The following PRAG1 variants were observed in gnomAD, a reference collection of about 807,000 sequenced individuals.
The protein encoded by PRAG1 is inactive tyrosine-protein kinase PRAG1.
In PRAG1, 110 loss-of-function variants were observed where a neutral mutation model predicts 95.6. The observed-to-expected ratio is 1.15, with a 90% CI of 0.99 to 1.35. PRAG1 has a LOEUF of 1.35. Ranked by LOEUF, PRAG1 falls within the 40% of genes most tolerant of loss-of-function variation. The pLI is 0.00. For missense variants in PRAG1, 2,554 were observed against 1,864.7 expected (o/e 1.37, Z -6.81); for synonymous variants, 1,052 against 819.4 (o/e 1.28, Z -4.85).
At chr8:8,338,032 C>G (rs535563463) in intron 4 of PRAG1, among the ~76,000 whole-genome samples, 3 of 152,118 alleles carry the variant, frequency 2.0e-5, no homozygotes, top group Admixed American at 1.3e-4. Flanking sequence ...CTCCTCACCC[C>G]CTACCTCCCC....
chr8:8,372,470 A>G (rs1191161015), intron 3 of PRAG1, among the ~76,000 whole-genome samples: 2 of 152,200 alleles, frequency 1.3e-5, no homozygotes, highest in Admixed American at 6.5e-5. Context: ...AGACTCTGTG[A>G]GATCCATCAT....
intron 3 of PRAG1, among the ~76,000 whole-genome samples, chr8:8,346,250 C>G: frequency 6.6e-6 from 1 of 152,374 alleles, no homozygotes; most frequent in East Asian, 1.9e-4. Flanking sequence ...ACAAAAACCT[C>G]ATACTCCAGT....
intron 3 of PRAG1, among the ~76,000 whole-genome samples, chr8:8,347,387 C>T (rs1799380467): frequency 6.6e-6 from 1 of 152,214 alleles, no homozygotes; most frequent in Non-Finnish European, 1.5e-5. Flanking sequence ...CCTGCAAAAG[C>T]ACAGGAAAAC....
chr8:8,337,488 A>G (rs897631949), intron 4 of PRAG1, among the ~76,000 whole-genome samples: 4 of 151,452 alleles, frequency 2.6e-5, no homozygotes, highest in East Asian at 1.9e-4. Flanking sequence ...GAGAGAGAGA[A>G]AGAGAGAGAG....
chr8:8,333,893 A>G (rs1253500423), intron 4 of PRAG1, among the ~76,000 whole-genome samples: 1 of 152,224 alleles, frequency 6.6e-6, no homozygotes, highest in Non-Finnish European at 1.5e-5. Flanking sequence ...CCCTAGTGCA[A>G]TTCTCTCATG....
In PRAG1 at chr8:8,319,277, GT is replaced by G; in HGVS notation, c.3097del (p.Thr1033GlnfsTer104). On this transcript the variant is annotated frameshift_variant, in exon 6 of 6. Coordinates refer to ENST00000615670, the MANE Select transcript of PRAG1 (RefSeq NM_001080826.3). LOFTEE classifies it high-confidence loss of function. Reference protein sequence around the residue: ...VKICKAPEPKTVSYCSPSVPV... With the variant: ...VKICKAPEPKXVSYCSPSVPV... ...CACGGACGGGCTGCAGTAGGAGACTGTTTTGGGCTCAGGGGCTTTGCAGATC... is the reference window on the plus strand; with the variant it reads ...CACGGACGGGCTGCAGTAGGAGACTGTTTGGGCTCAGGGGCTTTGCAGATC... 6.6e-7 allele frequency: 1 copy of G among 1,520,324 alleles called. No homozygotes were observed. The highest frequency in any genetic ancestry group is 8.9e-7 in the Non-Finnish European group (1 of 1,129,904). The allele number at this position is 1,520,324 out of a possible 1,614,324, so 94.2% of individuals were successfully genotyped here.
intron 3 of PRAG1, among the ~76,000 whole-genome samples, chr8:8,372,545 C>G (rs1165977092): frequency 1.3e-5 from 2 of 152,190 alleles, no homozygotes; most frequent in Non-Finnish European, 2.9e-5. Flanking sequence ...AGGAAGTATC[C>G]AGGCCTTGCC....
Position 8,339,547 on chromosome 8 carries a change from C to T in PRAG1, c.2251G>A (p.Val751Ile), listed in dbSNP as rs762760663. Reference protein sequence around the residue: ...AESLSPSFRGVHVSFTTGSTD... With the variant: ...AESLSPSFRGIHVSFTTGSTD... ...GAGCCGGTGGTGAAGCTGACGTGGA[C>T]ACCCCTGAAGGATGGGCTGAGGCTT... Residue 751 changes from valine (V) to isoleucine (I), a missense_variant, in exon 4 of 6, where the codon GTC becomes ATC. Physicochemically the swap from Val to Ile is conservative, Grantham distance 29 (BLOSUM62 3). Transcript: ENST00000615670. The T allele has an allele frequency of 1.9e-6, 3 of 1,614,132 alleles. No homozygotes were observed. The highest frequency in any genetic ancestry group is 1.1e-5 in the South Asian group (1 of 91,072).
At chr8:8,330,954 G>A (rs990140860) in intron 4 of PRAG1, among the ~76,000 whole-genome samples, 4 of 152,174 alleles carry the variant, frequency 2.6e-5, no homozygotes, top group African/African-American at 9.7e-5. Context: ...TGATGAGCAG[G>A]AGGACTGGGA....
chr8:8,362,203 G>C (rs1047980813), intron 3 of PRAG1, among the ~76,000 whole-genome samples: 2 of 152,118 alleles, frequency 1.3e-5, no homozygotes, highest in African/African-American at 2.4e-5. Context: ...ATAAACCCAC[G>C]TCAGGATCTG....
chr8:8,356,134 C>G (rs748842513), intron 3 of PRAG1, among the ~76,000 whole-genome samples: 3 of 152,164 alleles, frequency 2.0e-5, no homozygotes, highest in Non-Finnish European at 2.9e-5. Flanking sequence ...AGACATTTAT[C>G]TGAAGACATA....
At chr8:8,383,633 TA>T (rs1461359310) in intron 1 of PRAG1, among the ~76,000 whole-genome samples, 6 of 152,100 alleles carry the variant, frequency 3.9e-5, no homozygotes, top group Non-Finnish European at 8.8e-5. Context: ...TTAAGCTAAA[TA>T]AATCCTCTGA....
intron 2 of PRAG1, among the ~76,000 whole-genome samples, chr8:8,378,326 C>T (rs533776240): frequency 6.6e-6 from 1 of 152,106 alleles, no homozygotes; most frequent in Non-Finnish European, 1.5e-5. Context: ...TACCCATGGA[C>T]TGTAATGCTT....
rs1800409381 is a variant in PRAG1, at chr8:8,376,663, G to A, written c.1746C>T (p.Ser582=). The change falls in exon 3 of 6, where the codon AGC becomes AGT. Residue 582 remains serine, a synonymous_variant. Coordinates refer to ENST00000615670, the MANE Select transcript of PRAG1 (RefSeq NM_001080826.3). ...DLSDGSSGGS[S]IGPQPPSQGP... is the part of the protein sequence containing the mutation. ...CTTGGGATGGAGGCTGGGGCCCAATGCTGCTGCCGCCAGAGCTCCCATCAC... is the reference window on the plus strand; with the variant it reads ...CTTGGGATGGAGGCTGGGGCCCAATACTGCTGCCGCCAGAGCTCCCATCAC... 2.5e-6 allele frequency: 4 copies of A among 1,610,746 alleles called. No homozygotes were observed. The highest frequency in any genetic ancestry group is 1.7e-4 in the Middle Eastern group (1 of 6,046).
At chr8:8,319,883 C>A (rs1798418927) in intron 5 of PRAG1, among the ~76,000 whole-genome samples, 2 of 152,170 alleles carry the variant, frequency 1.3e-5, no homozygotes, top group African/African-American at 4.8e-5. Flanking sequence ...CAAATCAAAA[C>A]CACAGTGAGA....
intron 2 of PRAG1, 44 bp from the exon 3 acceptor site, chr8:8,378,122 C>G: frequency 6.7e-7 from 1 of 1,501,534 alleles, no homozygotes; most frequent in Non-Finnish European, 8.8e-7. Context: ...TAGAACTTGT[C>G]ATAGAAAAAA....
intron 3 of PRAG1, among the ~76,000 whole-genome samples, chr8:8,351,655 T>C (rs898148562): frequency 6.6e-6 from 1 of 152,210 alleles, no homozygotes; most frequent in Non-Finnish European, 1.5e-5. Context: ...TAATTTATAG[T>C]ATAGCCCCAG....
At chr8:8,380,963 G>T (rs909285791) in intron 2 of PRAG1, among the ~76,000 whole-genome samples, 2 of 152,004 alleles carry the variant, frequency 1.3e-5, no homozygotes, top group Admixed American at 6.6e-5. Flanking sequence ...GTGATATCTG[G>T]GTTTGCTTTA....
chr8:8,377,212 G>T lies in PRAG1; in HGVS notation c.1197C>A (p.Pro399=), dbSNP rs367907770. 1 of 1,611,942 alleles carries T rather than the reference G, an allele frequency of 6.2e-7. No homozygotes were observed. ...RCLGLTGEPQ[P]PAHPREATQP... is the part of the protein sequence containing the mutation. ...GTGTAGCCTCCCGGGGGTGGGCCGG[G>T]GGCTGGGGCTCCCCCGTCAGCCCAA... The change falls in exon 3 of 6, where the codon CCC becomes CCA. Residue 399 remains proline (P), a synonymous_variant. Transcript: ENST00000615670.
Sources: allele counts gnomAD v4.1 joint callset (sites outside exome capture counted in the v4.1 genomes callset), GRCh38; gene constraint gnomAD v4.1.1; transcripts MANE v1.5; gene names NCBI Gene and HGNC (gene_info 2026-07-23, HGNC 2026-07-21).